TPM1: variants seen among roughly 807,000 people sequenced by gnomAD.
TPM1 encodes the protein tropomyosin alpha-1 chain.
A neutral mutation model predicts 42.9 loss-of-function variants in TPM1; 24 were observed. The observed-to-expected ratio is 0.56, with a 90% CI of 0.41 to 0.79. TPM1 has a LOEUF of 0.79. Ranked by LOEUF, TPM1 falls within the 30% of genes least tolerant of loss-of-function variation. TPM1 has a pLI of 0.00. For synonymous variants in TPM1, 136 were observed against 130.1 expected (o/e 1.05, Z -0.31); for missense variants, 158 against 351.8 (o/e 0.45, Z 4.41).
At chr15:63,063,450 A>T in intron 8 of TPM1, 1 of 893,008 alleles carries the variant, frequency 1.1e-6, no homozygotes, top group Non-Finnish European at 1.3e-6. Context: ...TGTGGCGCCC[A>T]TTGCTTTTCA....
At chr15:63,046,814 T>G (rs1311294351) in intron 2 of TPM1, 1 of 152,496 alleles carries the variant, frequency 6.6e-6, no homozygotes, top group Non-Finnish European at 1.5e-5. Flanking sequence ...AACCCAAAGT[T>G]AGGATGCACC....
intron 9 of TPM1, 40 bp from the exon 10 acceptor site, chr15:63,065,855 TG>T: frequency 1.3e-6 from 2 of 1,585,328 alleles, no homozygotes; most frequent in South Asian, 1.1e-5. Flanking sequence ...TTTCTCATTG[TG>T]CCACTTTTTT....
At chr15:63,060,061 A>G (rs2035405757) in intron 4 of TPM1, 1 of 287,172 alleles carries the variant, frequency 3.5e-6, no homozygotes, top group Non-Finnish European at 6.9e-6. Context: ...CAGATTGGGC[A>G]GCTTAGAGAC....
intron 2 of TPM1, chr15:63,048,547 G>C (rs2033015707): frequency 6.6e-7 from 1 of 1,516,584 alleles, no homozygotes; most frequent in Non-Finnish European, 8.8e-7. Flanking sequence ...TCCCACTGCA[G>C]CCCTCCCGCC....
chr15:63,055,026 A>AT (rs1298179952), intron 2 of TPM1, among the ~76,000 whole-genome samples: 2 of 53,282 alleles, frequency 3.8e-5, no homozygotes, highest in Non-Finnish European at 8.0e-5. Context: ...AGTAATAGTA[A>AT]TAAAAAAAAA....
At chr15:63,059,751 A>G in intron 4 of TPM1, 71 bp downstream of exon 4, 1 of 1,126,190 alleles carries the variant, frequency 8.9e-7, no homozygotes, top group South Asian at 1.2e-5. Context: ...AGCAATGTAC[A>G]GTCTTGATTC....
chr15:63,045,554 A>T (rs570980064), intron 2 of TPM1: 6 of 152,244 alleles, frequency 3.9e-5, no homozygotes, highest in Non-Finnish European at 8.8e-5. Context: ...CTTTTTCAAA[A>T]GAGCTGCTAA....
rs563897793 is a variant in TPM1, at chr15:63,057,142, T to G, written c.374+24T>G. On this transcript the variant is annotated intron_variant, in intron 3 of 9. Coordinates refer to ENST00000403994, the MANE Select transcript of TPM1 (RefSeq NM_001018005.2). Reference sequence around the variant, plus strand: ...AGGTGAGAATGCCTCATCAGCCATCTTTTGCAGCTGCCTTTCCTGGTGGAA... The same window carrying G: ...AGGTGAGAATGCCTCATCAGCCATCGTTTGCAGCTGCCTTTCCTGGTGGAA... 101 of 1,613,694 alleles carry G rather than the reference T, an allele frequency of 6.3e-5. No individual in the cohort carries two copies. In the South Asian group the frequency reaches 1.0e-3, roughly 16 times the overall value.
intron 2 of TPM1, chr15:63,056,715 T>C (rs1054006593): frequency 4.4e-6 from 2 of 456,422 alleles, no homozygotes; most frequent in East Asian, 4.6e-5. Flanking sequence ...AAAGGAACCA[T>C]GTGAAAGAGC....
intron 2 of TPM1, chr15:63,046,750 T>G (rs2032465048): frequency 6.6e-6 from 1 of 152,654 alleles, no homozygotes; most frequent in South Asian, 2.1e-4. Context: ...TCTTTACTTC[T>G]TAACTTAGGG....
chr15:63,069,332 A>G (rs1156984674), downstream of TPM1, among the ~76,000 whole-genome samples: 2 of 152,200 alleles, frequency 1.3e-5, no homozygotes, highest in Non-Finnish European at 2.9e-5. Flanking sequence ...AAAAAATTTC[A>G]GTGCAGCAAA....
intron 5 of TPM1, chr15:63,061,186 G>A: frequency 6.2e-7 from 1 of 1,614,016 alleles, no homozygotes; most frequent in Non-Finnish European, 8.5e-7. Flanking sequence ...CATTTCCTGT[G>A]TCCACTAACA....
chr15:63,071,693 C>A (rs767846520), exon 9 of TPM1: 29 of 177,136 alleles, frequency 1.6e-4, no homozygotes, highest in Non-Finnish European at 3.4e-4. Flanking sequence ...GTAAGCCACG[C>A]TGCTCTTCCG....
chr15:63,056,593 G>A (rs1490698970), intron 2 of TPM1: 5 of 268,338 alleles, frequency 1.9e-5, no homozygotes, highest in Non-Finnish European at 3.6e-5. Context: ...CGTGAATCCA[G>A]GAGGCGGAGT....
In TPM1 at chr15:63,059,542, C is replaced by G. The variant is rs746049466; in HGVS notation, c.375-21C>G. The stretch of plus-strand genomic sequence containing the variant: ...AGTTCAGCTCTAAATCTTGGGTTTT[C>G]TTGCTTGTCTTTCTTTTCAGAGGCA... On this transcript the variant is annotated intron_variant, in intron 3 of 9. Coordinates refer to ENST00000403994, the MANE Select transcript of TPM1 (RefSeq NM_001018005.2). The G allele has an allele frequency of 3.1e-6, 5 of 1,595,596 alleles. No individual in the cohort carries two copies. The Admixed American group carries it at 8.4e-5, about 27-fold the overall frequency.
chr15:63,061,286 C>A, intron 5 of TPM1: 2 of 1,613,938 alleles, frequency 1.2e-6, no homozygotes, highest in Non-Finnish European at 1.7e-6. Flanking sequence ...ACTGATGGCT[C>A]GTGTGGTTTT....
Position 63,062,277 on chromosome 15 carries a change from G to C in TPM1, c.702G>C (p.Glu234Asp), listed in dbSNP as rs1307911763. ...AGGTCCTTTCCGACAAGCTGAAGGAGGTAATATGAGAGTTGTGGATGAAGC... is the reference window on the plus strand; with the variant it reads ...AGGTCCTTTCCGACAAGCTGAAGGACGTAATATGAGAGTTGTGGATGAAGC... ...EIKVLSDKLK[E>D]AETRAEFAER... The change falls in exon 7 of 10, where the codon GAG becomes GAC. Residue 234 changes from glutamate to aspartate, a missense_variant and splice_region_variant. Glu to Asp is a conservative substitution (Grantham distance 45, BLOSUM62 2). This residue lies in a region of TPM1 where 64 missense variants were observed against 95.8 expected (regional missense o/e 0.67). Coordinates refer to ENST00000403994, the MANE Select transcript of TPM1 (RefSeq NM_001018005.2). 6.2e-7 allele frequency: 1 copy of C among 1,613,992 alleles called. No homozygotes were observed.
chr15:63,048,613 A>T (rs1365043159), intron 2 of TPM1: 2 of 1,534,036 alleles, frequency 1.3e-6, no homozygotes, highest in Admixed American at 4.0e-5. Flanking sequence ...GTGCGCAGGA[A>T]GATCCGGAGC....
chr15:63,044,463 A>G, intron 2 of TPM1: 1 of 591,794 alleles, frequency 1.7e-6, no homozygotes, highest in Non-Finnish European at 3.0e-6. Context: ...CTGGTGGCAG[A>G]AAACCCTTGA....
Sources: allele counts gnomAD v4.1 joint callset (sites outside exome capture counted in the v4.1 genomes callset), GRCh38; gene constraint gnomAD v4.1.1; regional missense constraint gnomAD v4.1.1; transcripts MANE v1.5; gene names NCBI Gene and HGNC (gene_info 2026-07-23, HGNC 2026-07-21).